The following PLXDC2 variants were observed in gnomAD, a reference collection of about 807,000 sequenced individuals.
PLXDC2 encodes plexin domain-containing protein 2.
Under a neutral mutation model 68.9 loss-of-function variants are expected in PLXDC2, and 40 were observed. That is an observed-to-expected ratio of 0.58 (90% CI 0.45 to 0.76). The LOEUF is 0.76. PLXDC2 is among the 30% of genes least tolerant of loss of function. The probability of loss-of-function intolerance (pLI) is 0.00; values close to 1 mark genes in which losing one functional copy is unlikely to be tolerated. For missense variants in PLXDC2, 644 were observed against 661.9 expected, an observed-to-expected ratio of 0.97 and a Z score of 0.30; for synonymous variants, 243 against 234.2, an observed-to-expected ratio of 1.04 and a Z score of -0.34.
chr10:20,232,531 T>TTAC (rs1196632361), intron 12 of PLXDC2, among the ~76,000 whole-genome samples: 2 of 152,048 alleles, frequency 1.3e-5, no homozygotes, highest in Admixed American at 1.3e-4. Context: ...ACACAAGGGG[T>TTAC]TACTACTCAG....
chr10:20,141,013 C>G (rs1833999619), intron 4 of PLXDC2, among the ~76,000 whole-genome samples: 1 of 152,000 alleles, frequency 6.6e-6, no homozygotes, highest in African/African-American at 2.4e-5. Context: ...AGTGACATAA[C>G]TTATTTTAAT....
At chr10:20,149,534 C>T (rs532118443) in intron 6 of PLXDC2, among the ~76,000 whole-genome samples, 11 of 152,124 alleles carry the variant, frequency 7.2e-5, no homozygotes, top group Middle Eastern at 3.4e-3. Context: ...CCACTGCGCC[C>T]GGCCGATAGT....
At chr10:20,006,546 T>C (rs943026830) in intron 2 of PLXDC2, among the ~76,000 whole-genome samples, 1 of 152,320 alleles carries the variant, frequency 6.6e-6, no homozygotes. Flanking sequence ...TTTTTTTCAT[T>C]GTCTCGACTT....
intron 3 of PLXDC2, among the ~76,000 whole-genome samples, chr10:20,060,198 T>A (rs1434303168): frequency 6.6e-6 from 1 of 151,920 alleles, no homozygotes; most frequent in East Asian, 1.9e-4. Flanking sequence ...GGCTAATTCT[T>A]TTTTATTTTT....
At chr10:20,217,926 G>T (rs748777896) in intron 11 of PLXDC2, among the ~76,000 whole-genome samples, 3 of 151,984 alleles carry the variant, frequency 2.0e-5, no homozygotes, top group Non-Finnish European at 4.4e-5. Flanking sequence ...ACAATCACAG[G>T]TTAGAAAGGC....
intron 1 of PLXDC2, among the ~76,000 whole-genome samples, chr10:19,978,908 C>A (rs1834502272): frequency 6.6e-6 from 1 of 152,116 alleles, no homozygotes. Context: ...TTATTTCTTA[C>A]ATCTGTGGAA....
rs1299053811 is a variant in PLXDC2 at position 20,280,008 on chromosome 10, A to G, written c.*189A>G. The G allele has an allele frequency of 3.5e-6, 2 of 567,436 alleles. No individual in the cohort carries two copies. The highest frequency in any genetic ancestry group is 1.9e-5 in the African/African-American group (1 of 53,222). 35.2% of individuals were successfully genotyped at this position (567,436 alleles called of 1,614,324 possible). ...GGGTAAACAAAAAACTAAAACTTAT[A>G]CAAGATACCATTTACACTGAACATA... On this transcript the variant is annotated 3_prime_UTR_variant, in exon 14 of 14. Transcript: ENST00000377252.
At chr10:19,875,543 T>C (rs2131346352) in intron 1 of PLXDC2, among the ~76,000 whole-genome samples, 1 of 152,300 alleles carries the variant, frequency 6.6e-6, no homozygotes, top group South Asian at 2.1e-4. Flanking sequence ...AAAACTTAGC[T>C]AGAAAATAAA....
intron 2 of PLXDC2, among the ~76,000 whole-genome samples, chr10:20,004,774 A>C (rs1375323788): frequency 1.3e-5 from 2 of 152,162 alleles, no homozygotes; most frequent in Non-Finnish European, 2.9e-5. Context: ...CTGAAAATAC[A>C]ATCCCGGTGG....
intron 4 of PLXDC2, among the ~76,000 whole-genome samples, chr10:20,105,064 A>AG (rs1833473653): frequency 6.6e-6 from 1 of 151,310 alleles, no homozygotes; most frequent in Non-Finnish European, 1.5e-5. Flanking sequence ...AAAAAAAAAA[A>AG]AAAAAAAGAG....
chr10:20,133,549 C>T (rs1232196555), intron 4 of PLXDC2, among the ~76,000 whole-genome samples: 1 of 152,162 alleles, frequency 6.6e-6, no homozygotes, highest in Non-Finnish European at 1.5e-5. Flanking sequence ...CTATAAGGTT[C>T]CTGCTGAGAA....
chr10:20,021,163 C>CA (rs1835300649), intron 2 of PLXDC2, among the ~76,000 whole-genome samples: 1 of 151,984 alleles, frequency 6.6e-6, no homozygotes, highest in African/African-American at 2.4e-5. Flanking sequence ...AGCCTTTGCT[C>CA]AAAATCTTCT....
chr10:20,224,597 G>A (rs1835262196), intron 12 of PLXDC2, among the ~76,000 whole-genome samples: 1 of 152,112 alleles, frequency 6.6e-6, no homozygotes, highest in African/African-American at 2.4e-5. Context: ...TTGAATCAAT[G>A]GCAGGATTTT....
At chr10:20,090,042 G>A (rs1833256029) in intron 4 of PLXDC2, among the ~76,000 whole-genome samples, 1 of 152,132 alleles carries the variant, frequency 6.6e-6, no homozygotes, top group African/African-American at 2.4e-5. Context: ...GCACCGCAGA[G>A]TGTCAAGGAA....
chr10:20,273,546 AG>A (rs1835966096), intron 13 of PLXDC2, among the ~76,000 whole-genome samples: 9 of 116,124 alleles, frequency 7.8e-5, no homozygotes, highest in African/African-American at 2.4e-4. Context: ...ATACATACAT[AG>A]ACACACATAT....
chr10:20,222,699 A>G (rs1456942751), intron 12 of PLXDC2, among the ~76,000 whole-genome samples: 1 of 152,162 alleles, frequency 6.6e-6, no homozygotes, highest in Non-Finnish European at 1.5e-5. Context: ...CAGATGATCC[A>G]TTGCAGAGCC....
At chr10:20,109,527 C>G (rs1441721896) in intron 4 of PLXDC2, among the ~76,000 whole-genome samples, 2 of 152,166 alleles carry the variant, frequency 1.3e-5, no homozygotes, top group African/African-American at 2.4e-5. Context: ...CAGAGTCTTT[C>G]TTCATCTAGG....
intron 1 of PLXDC2, among the ~76,000 whole-genome samples, chr10:19,853,619 G>A (rs1398754266): frequency 7.0e-6 from 1 of 142,236 alleles, no homozygotes; most frequent in Non-Finnish European, 1.5e-5. Context: ...CTAGAACACT[G>A]AACTTGAGTT....
chr10:19,934,373 T>C (rs935159704), intron 1 of PLXDC2, among the ~76,000 whole-genome samples: 1 of 152,212 alleles, frequency 6.6e-6, no homozygotes, highest in Non-Finnish European at 1.5e-5. Flanking sequence ...GAAGCTAATA[T>C]AAAACAAGAT....
Sources: gnomAD v4.1 joint callset for allele counts (sites outside exome capture counted in the v4.1 genomes callset) on GRCh38, gnomAD v4.1.1 for gene constraint, MANE v1.5 for transcripts, NCBI Gene and HGNC (gene_info 2026-07-23, HGNC 2026-07-21) for gene names.